The following ITFG2 variants were observed in gnomAD, a reference collection of about 807,000 sequenced individuals.
The protein encoded by ITFG2 is integrin alpha FG-GAP repeat containing 2, also known as KICSTOR complex protein ITFG2.
A neutral mutation model predicts 54.4 loss-of-function variants in ITFG2; 36 were observed. The ratio of observed to expected loss-of-function variants is 0.66; its 90% CI spans 0.51 to 0.87. The LOEUF is 0.87. ITFG2 is among the 40% of genes least tolerant of loss of function. ITFG2 has a pLI of 0.00. For missense variants in ITFG2, 524 were observed against 576.7 expected, an observed-to-expected ratio of 0.91 and a Z score of 0.94; for synonymous variants, 211 against 225.4, an observed-to-expected ratio of 0.94 and a Z score of 0.57.
At chr12:2,817,866 G>A (rs1030227823) in intron 2 of ITFG2, 43 bp from the exon 3 acceptor site, 3 of 1,575,922 alleles carry the variant, frequency 1.9e-6, no homozygotes, top group Non-Finnish European at 1.7e-6. Context: ...GGGAGTACTG[G>A]TCTCCCTTAG....
At chr12:2,841,092 C>A (rs1388457048) in intron 2 of ITFG2, 2 of 152,736 alleles carry the variant, frequency 1.3e-5, no homozygotes, top group Non-Finnish European at 2.9e-5. Context: ...CTGTCAGGCC[C>A]GTCTCCTCCT....
upstream of ITFG2, chr12:2,834,631 T>A: frequency 6.4e-7 from 1 of 1,567,816 alleles, no homozygotes; most frequent in South Asian, 1.2e-5. Context: ...AGGGGAGGGG[T>A]GATGCCTCAC....
upstream of ITFG2, chr12:2,835,130 C>A: frequency 1.4e-6 from 2 of 1,419,026 alleles, no homozygotes; most frequent in Non-Finnish European, 1.8e-6. Flanking sequence ...CGCTGGGGTC[C>A]TGGTCAGAGC....
chr12:2,817,568 A>G (rs1053128495), intron 2 of ITFG2: 1 of 532,540 alleles, frequency 1.9e-6, no homozygotes, highest in African/African-American at 1.9e-5. Flanking sequence ...ACTTTATGGA[A>G]GTTGCCTAAG....
intron 2 of ITFG2, chr12:2,854,891 C>T (rs774337582): frequency 2.2e-5 from 34 of 1,532,010 alleles, no homozygotes; most frequent in Non-Finnish European, 3.0e-5. Context: ...GAGGCACCGT[C>T]TTACTTCTTG....
Position 2,820,118 on chromosome 12 carries a change from T to A in ITFG2, c.439T>A (p.Tyr147Asn). ...TGGGTGTCGTGAGCTGGTGGTGGGC[T>A]ACACAGACCGTGTGGTGCGAGCTTT... is the stretch of plus-strand genomic sequence containing the variant. ...GDGCRELVVG[Y>N]TDRVVRAFRW... Residue 147 changes from tyrosine to asparagine, a missense_variant, in exon 5 of 12, where the codon TAC (tyrosine) becomes AAC (asparagine). Coordinates refer to ENST00000228799, the MANE Select transcript of ITFG2 (RefSeq NM_018463.4). The A allele has an allele frequency of 6.2e-7, 1 of 1,613,706 alleles. No individual in the cohort carries two copies. Among genetic ancestry groups the A allele is most frequent in the Non-Finnish European group, 8.5e-7 (1 of 1,179,810 alleles).
upstream of ITFG2, chr12:2,835,089 C>T (rs1473765946): frequency 4.2e-6 from 6 of 1,437,456 alleles, no homozygotes; most frequent in Admixed American, 1.4e-4. Context: ...TTGGCAGGGC[C>T]CACAGCTGGC....
At chr12:2,820,656 C>CCCCCCGGG in intron 5 of ITFG2, 68 bp from the exon 6 acceptor site, 1 of 1,141,418 alleles carries the variant, frequency 8.8e-7, no homozygotes, top group Non-Finnish European at 1.3e-6. Context: ...CCACCGCCCC[C>CCCCCCGGG]TGCCGTTCTC....
At chr12:2,854,301 AG>A (rs2098080510) in intron 2 of ITFG2, among the ~76,000 whole-genome samples, 1 of 152,228 alleles carries the variant, frequency 6.6e-6, no homozygotes. Flanking sequence ...CTGGGATTAC[AG>A]GCGTGAGCCA....
downstream of ITFG2, chr12:2,826,977 C>CAT: frequency 7.4e-7 from 1 of 1,356,664 alleles, no homozygotes; most frequent in East Asian, 3.1e-5. Flanking sequence ...GAATCAGAAT[C>CAT]CTGGCATCGT....
intron 2 of ITFG2, chr12:2,817,687 G>A (rs1362549795): frequency 3.8e-6 from 2 of 521,750 alleles, no homozygotes; most frequent in East Asian, 3.0e-5. Context: ...TATTTTAAGT[G>A]CAGGTTGTCT....
chr12:2,854,926 C>T, intron 2 of ITFG2: 2 of 1,535,822 alleles, frequency 1.3e-6, no homozygotes, highest in Middle Eastern at 1.7e-4. Context: ...CTGGATGTTG[C>T]CCTGGGCATC....
intron 2 of ITFG2, chr12:2,848,944 A>C: frequency 2.4e-6 from 1 of 418,226 alleles, no homozygotes; most frequent in Non-Finnish European, 4.3e-6. Context: ...CTCCTTAGGA[A>C]CTGGAGCCCC....
At chr12:2,834,341 C>T (rs1181827041), upstream of ITFG2, among the ~76,000 whole-genome samples, 1 of 152,210 alleles carries the variant, frequency 6.6e-6, no homozygotes, top group Admixed American at 6.5e-5. Context: ...TAGAGGGTTC[C>T]TGTGTTCCTG....
At position 2,838,688 on chromosome 12, in the gene ITFG2, T is replaced by G. The variant is rs191421795; in HGVS notation, n.146+1732T>G. On this transcript the variant is annotated intron_variant and non_coding_transcript_variant, in intron 1 of 3. Coordinates refer to the ITFG2 transcript ENST00000537710. Reference sequence around the variant, plus strand: ...TGTGTTCTGTAACCCAAGCAAGTACTGTCTCACTGCCATCTTGGGGCAGAC... The same window carrying G: ...TGTGTTCTGTAACCCAAGCAAGTACGGTCTCACTGCCATCTTGGGGCAGAC... Among the ~76,000 whole-genome samples, 13 of 152,342 alleles carry G rather than the reference T, an allele frequency of 8.5e-5. No individual in the cohort carries two copies. The East Asian group carries it at 1.7e-3, about 20-fold the overall frequency.
At chr12:2,855,142 T>A (rs1177435109) in intron 2 of ITFG2, 2 of 1,527,832 alleles carry the variant, frequency 1.3e-6, no homozygotes, top group African/African-American at 1.4e-5. Context: ...GGCATTGGAG[T>A]CGGTCAGCCA....
downstream of ITFG2, chr12:2,827,580 A>G (rs750966282): frequency 1.2e-6 from 2 of 1,613,646 alleles, no homozygotes; most frequent in African/African-American, 2.7e-5. This position sits in a 1 kb window ranked among gnomAD's most constrained non-coding sequence, Gnocchi z 4.0. Context: ...GCCTTCTACT[A>G]CTTTTTCCCA....
At chr12:2,836,252 C>A (rs2098027456), upstream of ITFG2, among the ~76,000 whole-genome samples, 1 of 152,228 alleles carries the variant, frequency 6.6e-6, no homozygotes, top group African/African-American at 2.4e-5. Flanking sequence ...CCTGAGGTTC[C>A]ACATCCTCTC....
In ITFG2 at chr12:2,820,210, G is replaced by A. The variant is rs1026967952; in HGVS notation, c.531G>A (p.Trp177Ter). 5 of 1,606,378 alleles carry A rather than the reference G, an allele frequency of 3.1e-6. No individual in the cohort carries two copies. Among genetic ancestry groups the A allele is most frequent in the Non-Finnish European group, 4.3e-6 (5 of 1,176,406 alleles). ...LTGQLVSLKK[W>*]MLEGQVDSLS... ...GGCAGCTGGTGTCCCTCAAGAAATG[G>A]ATGCTGGAGGGTCAGGTAAGAAGCT... The change falls in exon 5 of 12, where the codon TGG (tryptophan) becomes TGA (stop). Residue 177 changes from tryptophan to a stop codon, truncating the protein, a stop_gained. Coordinates refer to ENST00000228799, the MANE Select transcript of ITFG2 (RefSeq NM_018463.4). LOFTEE classifies it high-confidence loss of function.
Sources: allele counts gnomAD v4.1 joint callset (sites outside exome capture counted in the v4.1 genomes callset), GRCh38; gene constraint gnomAD v4.1.1; non-coding constraint Gnocchi (gnomAD v3.1); transcripts MANE v1.5; gene names NCBI Gene and HGNC (gene_info 2026-07-23, HGNC 2026-07-21).